CDC25C: variants seen among roughly 807,000 people sequenced by gnomAD.
CDC25C encodes cell division cycle 25C.
A neutral mutation model predicts 52.5 loss-of-function variants in CDC25C; 48 were observed. That is an observed-to-expected ratio of 0.91 (90% CI 0.72 to 1.16). The LOEUF is 1.16. CDC25C is among the 50% of genes most tolerant of loss of function. CDC25C has a pLI of 0.00. For missense variants in CDC25C, 510 were observed against 566.1 expected (o/e 0.90, Z 1.01); for synonymous variants, 187 against 206.5 (o/e 0.91, Z 0.81).
intron 7 of CDC25C, among the ~76,000 whole-genome samples, chr5:138,307,696 CAG>C (rs1178023245): frequency 1.3e-5 from 2 of 151,990 alleles, no homozygotes; most frequent in African/African-American, 4.8e-5. Flanking sequence ...GAGGCCAAGA[CAG>C]GGGGAACACT....
chr5:138,310,867 ATGTTT>A (rs1580765388), intron 7 of CDC25C, among the ~76,000 whole-genome samples: 1 of 152,310 alleles, frequency 6.6e-6, no homozygotes, highest in Admixed American at 6.5e-5. Context: ...CTTAGCTGTT[ATGTTT>A]TAACTTTTCC....
chr5:138,332,016 C>T, upstream of CDC25C: 1 of 621,660 alleles, frequency 1.6e-6, no homozygotes, highest in Non-Finnish European at 2.0e-6. Context: ...GTGTTTGGCC[C>T]ACCAGCGTTA....
chr5:138,303,451 C>T (rs1041654494), intron 7 of CDC25C, among the ~76,000 whole-genome samples: 8 of 152,122 alleles, frequency 5.3e-5, no homozygotes, highest in Admixed American at 4.6e-4. Flanking sequence ...CTGCTAACTC[C>T]TCTCTGCCCT....
Position 138,296,608 on chromosome 5 carries a change from AT to A in CDC25C, c.616-4493del, listed in dbSNP as rs35152436. Among the ~76,000 whole-genome samples, 856 of 135,576 alleles carry A rather than the reference AT, an allele frequency of 6.3e-3. 7 individuals carry two copies. Among genetic ancestry groups the A allele is most frequent in the Middle Eastern group, 0.012 (3 of 260 alleles). 88.9% of individuals were successfully genotyped at this position (135,576 alleles called of 152,430 possible). A position where few individuals can be genotyped will look rare whatever the true frequency, so the allele number is the denominator to read the frequency against. ...TATTTTTATTTTATTATTATTAATT[AT>A]TTTTTTTTTTTTTTGAGACAGAGTC... On this transcript the variant is annotated intron_variant, in intron 7 of 13. Transcript: ENST00000323760.
intron 4 of CDC25C, 43 bp from the exon 5 acceptor site, chr5:138,326,097 C>T (rs777405192): frequency 1.2e-6 from 2 of 1,606,658 alleles, no homozygotes; most frequent in Non-Finnish European, 8.5e-7. Context: ...GTCCCAAATA[C>T]TGTTTGATTA....
At chr5:138,329,694 T>A (rs201957656) in intron 2 of CDC25C, 47 bp from the exon 3 acceptor site, 3 of 970,828 alleles carry the variant, frequency 3.1e-6, no homozygotes, top group Non-Finnish European at 4.9e-6. Flanking sequence ...GATTATTATA[T>A]CCTTAAAAGT....
chr5:138,328,163 G>C (rs867361497), intron 4 of CDC25C, among the ~76,000 whole-genome samples: 23 of 152,194 alleles, frequency 1.5e-4, no homozygotes, highest in African/African-American at 4.1e-4. Context: ...CACCGTGTCC[G>C]GCCACTCTGT....
At chr5:138,297,494 T>C (rs966288642) in intron 7 of CDC25C, among the ~76,000 whole-genome samples, 5 of 152,214 alleles carry the variant, frequency 3.3e-5, no homozygotes, top group Non-Finnish European at 7.3e-5. Context: ...TAATAGATGC[T>C]GGATTCATCA....
At chr5:138,323,519 A>C (rs2126812732) in intron 6 of CDC25C, among the ~76,000 whole-genome samples, 1 of 151,692 alleles carries the variant, frequency 6.6e-6, no homozygotes, top group Admixed American at 6.6e-5. Context: ...TGTGTTCCCC[A>C]GCTAGGGAAC....
At chr5:138,298,365 A>G (rs1435104919) in intron 7 of CDC25C, among the ~76,000 whole-genome samples, 2 of 152,076 alleles carry the variant, frequency 1.3e-5, no homozygotes, top group African/African-American at 4.8e-5. Flanking sequence ...GACCTAACAG[A>G]CACCTAGAGA....
At chr5:138,312,292 C>A (rs1471918389) in intron 7 of CDC25C, among the ~76,000 whole-genome samples, 1 of 152,112 alleles carries the variant, frequency 6.6e-6, no homozygotes, top group East Asian at 1.9e-4. Context: ...ACTGCTGGAG[C>A]CAAAGAGTTC....
chr5:138,292,480 CAAAAAAAAA>C (rs70982703), intron 7 of CDC25C, among the ~76,000 whole-genome samples: 5 of 63,526 alleles, frequency 7.9e-5, no homozygotes, highest in African/African-American at 1.4e-4. Flanking sequence ...GTTATGTGAC[CAAAAAAAAA>C]AAAAAAAAAA....
chr5:138,296,360 C>T (rs34509336), intron 7 of CDC25C, among the ~76,000 whole-genome samples: 50,596 of 151,744 alleles, frequency 0.33, 9,018 homozygotes, highest in East Asian at 0.61. Flanking sequence ...CTCAGCCTCT[C>T]AAGTAGTTGG....
intron 10 of CDC25C, among the ~76,000 whole-genome samples, chr5:138,287,851 T>G (rs953062683): frequency 6.6e-6 from 1 of 152,202 alleles, no homozygotes; most frequent in African/African-American, 2.4e-5. Context: ...TACACAAAGA[T>G]GTAGGCACAA....
At chr5:138,302,721 A>C (rs576325506) in intron 7 of CDC25C, among the ~76,000 whole-genome samples, 1 of 151,010 alleles carries the variant, frequency 6.6e-6, no homozygotes, top group African/African-American at 2.4e-5. Context: ...GTAATTCATC[A>C]TATTAACAGA....
intron 7 of CDC25C, among the ~76,000 whole-genome samples, chr5:138,298,963 C>T (rs1046139753): frequency 8.6e-5 from 13 of 151,662 alleles, no homozygotes; most frequent in East Asian, 3.9e-4. Context: ...GAGGCTGAGG[C>T]GGGCGGATCA....
chr5:138,338,298 A>C (rs373425900), exon 1 of CDC25C: 1 of 658,746 alleles, frequency 1.5e-6, no homozygotes, highest in Admixed American at 2.4e-5. Context: ...TGGGAGCTGG[A>C]GGAACCGCGG....
At chr5:138,323,038 C>T (rs974922889) in intron 6 of CDC25C, among the ~76,000 whole-genome samples, 1 of 151,958 alleles carries the variant, frequency 6.6e-6, no homozygotes, top group African/African-American at 2.4e-5. Flanking sequence ...TCATTGCAAC[C>T]TCTGCCTCCC....
chr5:138,298,239 T>C (rs959541232), intron 7 of CDC25C, among the ~76,000 whole-genome samples: 2 of 150,934 alleles, frequency 1.3e-5, no homozygotes, highest in Non-Finnish European at 2.9e-5. Context: ...GGGGCTCAAA[T>C]GTCCTCTTGC....
Sources: allele counts gnomAD v4.1 joint callset (sites outside exome capture counted in the v4.1 genomes callset), GRCh38; gene constraint gnomAD v4.1.1; transcripts MANE v1.5; gene names NCBI Gene and HGNC (gene_info 2026-07-23, HGNC 2026-07-21).